FOXP2: variants seen among roughly 807,000 people sequenced by gnomAD.
FOXP2 encodes forkhead box P2, also known as forkhead box protein P2.
Under a neutral mutation model 115.8 loss-of-function variants are expected in FOXP2, and 12 were observed. That is an observed-to-expected ratio of 0.10 (90% CI 0.07 to 0.17). The LOEUF is 0.17. Ranked by LOEUF, FOXP2 falls within the 10% of genes least tolerant of loss-of-function variation. The pLI, the probability that FOXP2 is intolerant of heterozygous loss-of-function variation, is 1.00. For synonymous variants in FOXP2, 328 were observed against 297.7 expected, an observed-to-expected ratio of 1.10 and a Z score of -1.05; for missense variants, 629 against 843.5, an observed-to-expected ratio of 0.75 and a Z score of 3.15.
At chr7:114,357,837 T>C (rs1465665777) in intron 2 of FOXP2, among the ~76,000 whole-genome samples, 1 of 152,184 alleles carries the variant, frequency 6.6e-6, no homozygotes, top group African/African-American at 2.4e-5. Context: ...TTAACTTCAT[T>C]AGTCTAAGAG....
chr7:114,356,965 G>A (rs1020505374), intron 2 of FOXP2, among the ~76,000 whole-genome samples: 1 of 152,152 alleles, frequency 6.6e-6, no homozygotes, highest in Admixed American at 6.6e-5. Flanking sequence ...GTGACAAAGA[G>A]CGTATTTCAA....
At chr7:114,677,805 C>A (rs1330854325) in intron 16 of FOXP2, among the ~76,000 whole-genome samples, 1 of 152,164 alleles carries the variant, frequency 6.6e-6, no homozygotes, top group Non-Finnish European at 1.5e-5. Flanking sequence ...TCAACTGCTA[C>A]TTTGCAATGT....
intron 2 of FOXP2, among the ~76,000 whole-genome samples, chr7:114,458,680 A>G (rs973587159): frequency 2.0e-5 from 3 of 151,024 alleles, no homozygotes; most frequent in Non-Finnish European, 2.9e-5. Context: ...TCCAAGTAGC[A>G]TGATCCACCA....
At chr7:114,397,200 A>G (rs934477325) in intron 2 of FOXP2, among the ~76,000 whole-genome samples, 2 of 152,186 alleles carry the variant, frequency 1.3e-5, no homozygotes, top group Admixed American at 1.3e-4. Flanking sequence ...TTAAAAATTT[A>G]AAAGTTTATC....
intron 9 of FOXP2, chr7:114,653,415 T>TAAAGAA: frequency 5.7e-6 from 1 of 175,078 alleles, no homozygotes; most frequent in Non-Finnish European, 1.3e-5. Flanking sequence ...AGTTCAGCGT[T>TAAAGAA]TCACACTGCC....
chr7:114,238,323 G>A (rs533450590), intron 1 of FOXP2, among the ~76,000 whole-genome samples: 1 of 151,186 alleles, frequency 6.6e-6, no homozygotes, highest in African/African-American at 2.4e-5. Context: ...ATTGTGATTA[G>A]TTTTAAAACT....
rs371141547 is a variant in FOXP2 at position 114,686,282 on chromosome 7, C to A, written c.2004-3500C>A. 7.2e-5 allele frequency among the ~76,000 whole-genome samples: 11 copies of A among 151,810 alleles called. No homozygotes were observed. In the East Asian group the frequency reaches 1.7e-3, roughly 24 times the overall value. ...CCTGCTCCCAGGTTCAGGTGATTTT[C>A]CCACCTCGGCCTCCCGAGTAACTGG... is the stretch of plus-strand genomic sequence containing the variant. On this transcript the variant is annotated intron_variant, in intron 16 of 16. Transcript: ENST00000350908.
chr7:114,413,601 C>T (rs1361615294), upstream of FOXP2, among the ~76,000 whole-genome samples: 1 of 152,010 alleles, frequency 6.6e-6, no homozygotes, highest in Non-Finnish European at 1.5e-5. Flanking sequence ...CTTTCAGTTC[C>T]TTTCAGGGGA....
At chr7:114,175,284 T>A (rs1793259243) in intron 1 of FOXP2, among the ~76,000 whole-genome samples, 1 of 152,160 alleles carries the variant, frequency 6.6e-6, no homozygotes, top group East Asian at 1.9e-4. Flanking sequence ...TGCTGTGTTA[T>A]CTGGGACCAG....
intron 2 of FOXP2, among the ~76,000 whole-genome samples, chr7:114,445,956 G>A (rs549336293): frequency 6.6e-6 from 1 of 152,150 alleles, no homozygotes; most frequent in Admixed American, 6.6e-5. Flanking sequence ...CAATGTAATA[G>A]CCAATCTGGT....
In FOXP2 at chr7:114,303,155, G is replaced by A. The variant is rs555297743; in HGVS notation, c.-11+15046G>A. Among the ~76,000 whole-genome samples, 22 of 152,154 alleles carry A rather than the reference G, an allele frequency of 1.4e-4. No individual in the cohort carries two copies. The South Asian group carries it at 4.4e-3, about 30-fold the overall frequency. ...AGCAATAGGTAGCTAATACAATTTT[G>A]AATCATTGAAATAAAACCCCATATC... On this transcript the variant is annotated intron_variant, in intron 2 of 17. Coordinates refer to the FOXP2 transcript ENST00000634411.
At chr7:114,377,714 C>T (rs930978258) in intron 2 of FOXP2, among the ~76,000 whole-genome samples, 4 of 152,174 alleles carry the variant, frequency 2.6e-5, no homozygotes, top group Non-Finnish European at 2.9e-5. Flanking sequence ...GCTTTCTTCA[C>T]ATATTTTCTT....
At chr7:114,407,441 A>G (rs1443115345) in intron 2 of FOXP2, among the ~76,000 whole-genome samples, 1 of 152,074 alleles carries the variant, frequency 6.6e-6, no homozygotes, top group African/African-American at 2.4e-5. Flanking sequence ...AGCATAAACA[A>G]CAAACCTGGT....
chr7:114,546,588 T>A (rs1168538115), intron 3 of FOXP2, among the ~76,000 whole-genome samples: 2 of 152,168 alleles, frequency 1.3e-5, no homozygotes, highest in African/African-American at 4.8e-5. Context: ...GTTTAGAAGG[T>A]CATTCCAACA....
intron 13 of FOXP2, among the ~76,000 whole-genome samples, chr7:114,660,190 T>G (rs1806791122): frequency 6.6e-6 from 1 of 152,078 alleles, no homozygotes; most frequent in Non-Finnish European, 1.5e-5. Flanking sequence ...ATAAATGCAG[T>G]TTATTTACTT....
In FOXP2 at chr7:114,280,077, CAAATAAATAAATAAAT is replaced by C. The variant is rs141041172; in HGVS notation, c.-101-7910_-101-7895del. 1.5e-3 allele frequency among the ~76,000 whole-genome samples: 209 copies of C among 143,016 alleles called. 2 individuals are homozygous for C. In the East Asian group the frequency reaches 0.03, roughly 20 times the overall value. The allele number at this position is 143,016 out of a possible 152,430, so 93.8% of individuals were successfully genotyped here. A position where few individuals can be genotyped will look rare whatever the true frequency, so the allele number is the denominator to read the frequency against. On this transcript the variant is annotated intron_variant, in intron 1 of 17. Coordinates refer to the FOXP2 transcript ENST00000634411. ...AATTTAGTCCTACCAGACTCTCAGGCAAATAAATAAATAAATAAATAAATAAATAAATAAATAAATA... is the reference window on the plus strand; with the variant it reads ...AATTTAGTCCTACCAGACTCTCAGGCAAATAAATAAATAAATAAATAAATA...
chr7:114,247,804 A>G (rs994549137), intron 1 of FOXP2, among the ~76,000 whole-genome samples: 2 of 152,196 alleles, frequency 1.3e-5, no homozygotes, highest in African/African-American at 4.8e-5. Context: ...GGGGTGAATG[A>G]ATAAAGAGTT....
At chr7:114,643,649 T>G (rs1311214183) in intron 7 of FOXP2, among the ~76,000 whole-genome samples, 1 of 152,218 alleles carries the variant, frequency 6.6e-6, no homozygotes, top group Admixed American at 6.5e-5. Context: ...GTCCTTTAGC[T>G]CCATTTATTT....
At chr7:114,239,237 C>CT (rs1795092682) in intron 1 of FOXP2, among the ~76,000 whole-genome samples, 1 of 151,784 alleles carries the variant, frequency 6.6e-6, no homozygotes, top group African/African-American at 2.4e-5. Flanking sequence ...TTCCTTCTCT[C>CT]TTTTTTTGTC....
Sources: gnomAD v4.1 joint callset for allele counts (sites outside exome capture counted in the v4.1 genomes callset) on GRCh38, gnomAD v4.1.1 for gene constraint, MANE v1.5 for transcripts, NCBI Gene and HGNC (gene_info 2026-07-23, HGNC 2026-07-21) for gene names.